The following ZFAND4 variants were observed in gnomAD, a reference collection of about 807,000 sequenced individuals.
ZFAND4 encodes AN1-type zinc finger protein 4.
A neutral mutation model predicts 64.4 loss-of-function variants in ZFAND4; 43 were observed. That is an observed-to-expected ratio of 0.67 (90% CI 0.52 to 0.86). ZFAND4 has a LOEUF of 0.86. Among genes scored for constraint, ZFAND4 ranks in the 40% least tolerant of loss-of-function variants. The pLI is 0.00. For synonymous variants in ZFAND4, 296 were observed against 305.7 expected, an observed-to-expected ratio of 0.97 and a Z score of 0.33; for missense variants, 929 against 859.8, an observed-to-expected ratio of 1.08 and a Z score of -1.01.
At chr10:45,619,202 C>CTT (rs1170186965) in intron 8 of ZFAND4, among the ~76,000 whole-genome samples, 1 of 147,322 alleles carries the variant, frequency 6.8e-6, no homozygotes, top group South Asian at 2.2e-4. Context: ...CCACGCTCAG[C>CTT]TTTTTTTTTT....
chr10:45,647,545 A>G (rs2047472578), intron 5 of ZFAND4, among the ~76,000 whole-genome samples: 2 of 151,018 alleles, frequency 1.3e-5, no homozygotes, highest in South Asian at 2.1e-4. Context: ...ACTTCTTCTC[A>G]GAGGATGTGT....
chr10:45,665,920 TA>T (rs2133868499), intron 1 of ZFAND4, among the ~76,000 whole-genome samples: 1 of 152,378 alleles, frequency 6.6e-6, no homozygotes, highest in Admixed American at 6.5e-5. Flanking sequence ...TATTGCTGAA[TA>T]ATAGTCCCCT....
chr10:45,639,949 T>C lies in ZFAND4; in HGVS notation c.584A>G (p.Tyr195Cys), dbSNP rs2046873360. 1 of 1,609,294 alleles carries C rather than the reference T, an allele frequency of 6.2e-7. No individual in the cohort carries two copies. The highest frequency in any genetic ancestry group is 2.2e-5 in the East Asian group (1 of 44,766). The change falls in exon 6 of 10, where the codon TAT (tyrosine) becomes TGT (cysteine). Residue 195 changes from tyrosine to cysteine, a missense_variant. Physicochemically the swap from Tyr to Cys is radical, Grantham distance 194. Coordinates refer to ENST00000344646, the MANE Select transcript of ZFAND4 (RefSeq NM_174890.4). ...TTCATCCTCATCTGTATCTGAATTA[T>C]ACATAGAACCACCACTGCAAAGAAA... ...GEHRMSGGSM[Y>C]NSDTDEDEET...
intron 1 of ZFAND4, among the ~76,000 whole-genome samples, chr10:45,665,145 T>C (rs2048735501): frequency 1.3e-5 from 2 of 152,194 alleles, no homozygotes; most frequent in African/African-American, 4.8e-5. Flanking sequence ...CAAATTGCTA[T>C]TGCTATTAAT....
At chr10:45,616,870 G>A (rs143659579) in intron 9 of ZFAND4, among the ~76,000 whole-genome samples, 49 of 152,174 alleles carry the variant, frequency 3.2e-4, no homozygotes, top group South Asian at 3.1e-3. Context: ...CGAGGCGGGT[G>A]GATCTCCAGG....
At chr10:45,638,411 G>C (rs1379294162) in intron 6 of ZFAND4, among the ~76,000 whole-genome samples, 1 of 151,292 alleles carries the variant, frequency 6.6e-6, no homozygotes, top group African/African-American at 2.4e-5. Flanking sequence ...GGACAATGGC[G>C]TGAACCCGGG....
intron 6 of ZFAND4, among the ~76,000 whole-genome samples, chr10:45,632,831 A>T (rs1288081001): frequency 6.6e-6 from 1 of 152,200 alleles, no homozygotes; most frequent in Non-Finnish European, 1.5e-5. Flanking sequence ...TAAAATTTCA[A>T]GCTGGCTCAC....
chr10:45,630,119 A>G (rs2046102732), intron 6 of ZFAND4, among the ~76,000 whole-genome samples: 1 of 152,114 alleles, frequency 6.6e-6, no homozygotes, highest in Non-Finnish European at 1.5e-5. Context: ...CTATAAAAAT[A>G]AAACAGAAAA....
chr10:45,664,471 G>A (rs905384806), intron 1 of ZFAND4, among the ~76,000 whole-genome samples: 2 of 151,656 alleles, frequency 1.3e-5, no homozygotes, highest in African/African-American at 2.4e-5. Context: ...GTTTCACCAC[G>A]TTGGCCAGGA....
chr10:45,635,504 T>C (rs2046536907), intron 6 of ZFAND4, among the ~76,000 whole-genome samples: 1 of 151,620 alleles, frequency 6.6e-6, no homozygotes, highest in South Asian at 2.1e-4. Flanking sequence ...TCTTTTACCA[T>C]ATACAAAAAT....
intron 6 of ZFAND4, among the ~76,000 whole-genome samples, chr10:45,632,169 A>G (rs886702670): frequency 1.3e-5 from 2 of 152,154 alleles, no homozygotes; most frequent in East Asian, 1.9e-4. Context: ...CCTGGCCAAC[A>G]TGGTGAAACC....
chr10:45,660,144 A>G (rs998241060), intron 2 of ZFAND4, among the ~76,000 whole-genome samples: 42 of 147,994 alleles, frequency 2.8e-4, no homozygotes, highest in African/African-American at 9.0e-4. Context: ...CATGGGCGAC[A>G]GAGCGAGACG....
chr10:45,664,274 CTTT>C (rs748024984), intron 1 of ZFAND4, among the ~76,000 whole-genome samples: 1 of 141,834 alleles, frequency 7.1e-6, no homozygotes. Context: ...GTACATTTGA[CTTT>C]TTTTTTTTTT....
intron 6 of ZFAND4, among the ~76,000 whole-genome samples, chr10:45,630,298 G>A (rs2046115296): frequency 6.6e-6 from 1 of 152,042 alleles, no homozygotes; most frequent in African/African-American, 2.4e-5. Context: ...ATAGATAAAA[G>A]TAATAGGAGG....
chr10:45,645,365 A>C (rs78275508), intron 5 of ZFAND4, among the ~76,000 whole-genome samples: 9,104 of 152,288 alleles, frequency 0.06, 396 homozygotes, highest in African/African-American at 0.12. Flanking sequence ...TTATTAAACC[A>C]GCAGTGTTAA....
intron 1 of ZFAND4, among the ~76,000 whole-genome samples, chr10:45,665,813 A>C (rs2926329): frequency 7.3e-5 from 10 of 137,534 alleles, no homozygotes; most frequent in Admixed American, 7.3e-4. Flanking sequence ...ACATAAATAG[A>C]ATCATATATG....
chr10:45,648,700 T>C lies in ZFAND4; in HGVS notation c.329-166A>G, dbSNP rs1406569892. 2.0e-5 allele frequency among the ~76,000 whole-genome samples: 3 copies of C among 152,338 alleles called. No individual in the cohort carries two copies. In the East Asian group the frequency reaches 5.8e-4, roughly 29 times the overall value. On this transcript the variant is annotated intron_variant, in intron 4 of 9. Coordinates refer to ENST00000344646, the MANE Select transcript of ZFAND4 (RefSeq NM_174890.4). ...TGATCTTTCTACAATTAATATAGCA[T>C]TCCCTATGTTATATTAATAAGAAAC...
chr10:45,669,443 C>T (rs577970037), intron 1 of ZFAND4, among the ~76,000 whole-genome samples: 1 of 152,266 alleles, frequency 6.6e-6, no homozygotes, highest in South Asian at 2.1e-4. Context: ...CCAAATTCTA[C>T]CAGGGGTACA....
At chr10:45,654,885 A>T (rs1018189936) in intron 2 of ZFAND4, among the ~76,000 whole-genome samples, 5 of 152,208 alleles carry the variant, frequency 3.3e-5, no homozygotes, top group Non-Finnish European at 5.9e-5. Context: ...AAAGAGATAA[A>T]CAACAACACA....
Sources: allele counts gnomAD v4.1 joint callset (sites outside exome capture counted in the v4.1 genomes callset), GRCh38; gene constraint gnomAD v4.1.1; transcripts MANE v1.5; gene names NCBI Gene and HGNC (gene_info 2026-07-23, HGNC 2026-07-21).